CCDC170: variants seen among roughly 807,000 people sequenced by gnomAD.
CCDC170 encodes coiled-coil domain-containing protein 170.
A neutral mutation model predicts 72.6 loss-of-function variants in CCDC170; 69 were observed. The ratio of observed to expected loss-of-function variants is 0.95; its 90% CI spans 0.78 to 1.16. The LOEUF (loss-of-function observed/expected upper bound fraction) is 1.16, where lower values mean the gene tolerates loss of function less well. Among genes scored for constraint, CCDC170 ranks in the 50% most tolerant of loss-of-function variants. The pLI is 0.00. For synonymous variants in CCDC170, 300 were observed against 303.9 expected, an observed-to-expected ratio of 0.99 and a Z score of 0.13; for missense variants, 852 against 832.5, an observed-to-expected ratio of 1.02 and a Z score of -0.29.
At chr6:151,515,284 T>A in intron 1 of CCDC170, among the ~76,000 whole-genome samples, 1 of 152,170 alleles carries the variant, frequency 6.6e-6, no homozygotes. Flanking sequence ...CTCCATCAAT[T>A]TATTTACTTA....
At chr6:151,587,390 A>C (rs1461889221) in intron 7 of CCDC170, among the ~76,000 whole-genome samples, 1 of 152,096 alleles carries the variant, frequency 6.6e-6, no homozygotes, top group Admixed American at 6.6e-5. Context: ...GGCATGAGGC[A>C]GTGGCTGTGA....
chr6:151,533,256 A>T (rs377586751), intron 1 of CCDC170, among the ~76,000 whole-genome samples: 4 of 151,124 alleles, frequency 2.6e-5, no homozygotes, highest in South Asian at 2.1e-4. Flanking sequence ...GGGTTTCACC[A>T]TGTTAGCCAG....
At chr6:151,558,362 G>A (rs551753153) in intron 5 of CCDC170, among the ~76,000 whole-genome samples, 1 of 149,796 alleles carries the variant, frequency 6.7e-6, no homozygotes, top group Non-Finnish European at 1.5e-5. Context: ...TCTTCACCCT[G>A]TTGATTGTTC....
intron 5 of CCDC170, among the ~76,000 whole-genome samples, chr6:151,568,992 T>C (rs1355246889): frequency 6.6e-6 from 1 of 152,250 alleles, no homozygotes; most frequent in Non-Finnish European, 1.5e-5. Flanking sequence ...TTTTGTTATG[T>C]ATTTATGCCA....
intron 6 of CCDC170, among the ~76,000 whole-genome samples, chr6:151,576,711 A>G (rs1776308355): frequency 6.6e-6 from 1 of 152,018 alleles, no homozygotes; most frequent in African/African-American, 2.4e-5. Flanking sequence ...GTCTTGTGTG[A>G]CTCATCTTCA....
chr6:151,597,359 C>T (rs1316840751), intron 9 of CCDC170, among the ~76,000 whole-genome samples: 2 of 151,934 alleles, frequency 1.3e-5, no homozygotes, highest in Non-Finnish European at 2.9e-5. Flanking sequence ...AACTTCTGAC[C>T]TCAAGTGATC....
chr6:151,545,462 G>C (rs1008747251), intron 4 of CCDC170, among the ~76,000 whole-genome samples: 1 of 152,020 alleles, frequency 6.6e-6, no homozygotes, highest in African/African-American at 2.4e-5. Flanking sequence ...TTTAATGGTA[G>C]ATTACCATTA....
At chr6:151,589,334 T>C (rs967920757) in intron 7 of CCDC170, among the ~76,000 whole-genome samples, 11 of 152,088 alleles carry the variant, frequency 7.2e-5, no homozygotes, top group African/African-American at 2.7e-4. Context: ...AGTATGGTAA[T>C]GTAAATTGGA....
chr6:151,562,803 C>T (rs958811275), intron 5 of CCDC170, among the ~76,000 whole-genome samples: 4 of 151,648 alleles, frequency 2.6e-5, no homozygotes, highest in Admixed American at 6.6e-5. Context: ...TGCCTTGATG[C>T]GTTTTGGGGG....
chr6:151,514,371 G>C (rs1021282407), intron 1 of CCDC170, among the ~76,000 whole-genome samples: 6 of 122,962 alleles, frequency 4.9e-5, no homozygotes, highest in Admixed American at 2.5e-4. Context: ...GAGGGAGGGA[G>C]GGAGGAAGGA....
At chr6:151,596,641 G>C in intron 9 of CCDC170, 64 bp downstream of exon 9, 1 of 1,582,390 alleles carries the variant, frequency 6.3e-7, no homozygotes, top group Non-Finnish European at 8.6e-7. Flanking sequence ...TTATGCAAAA[G>C]AATGACAGCT....
chr6:151,598,585 A>G (rs9383932), intron 9 of CCDC170, among the ~76,000 whole-genome samples: 23,272 of 152,116 alleles, frequency 0.15, 1,955 homozygotes, highest in East Asian at 0.38. Context: ...CAAATTTCAC[A>G]AGTCAAATAA....
chr6:151,498,575 C>G (rs892699403), intron 1 of CCDC170, among the ~76,000 whole-genome samples: 1 of 152,218 alleles, frequency 6.6e-6, no homozygotes, highest in African/African-American at 2.4e-5. Flanking sequence ...TTCCTCCTCC[C>G]CACAGCTCCT....
chr6:151,566,798 T>TTGAA (rs1321192912), intron 5 of CCDC170, among the ~76,000 whole-genome samples: 3 of 152,220 alleles, frequency 2.0e-5, no homozygotes, highest in African/African-American at 7.2e-5. Flanking sequence ...CATACACACT[T>TTGAA]TGAATGAATA....
chr6:151,524,762 A>C (rs898736842), intron 1 of CCDC170, among the ~76,000 whole-genome samples: 5 of 152,104 alleles, frequency 3.3e-5, no homozygotes, highest in African/African-American at 1.2e-4. Context: ...ATTTCATTTC[A>C]ATGTGCCTAT....
intron 1 of CCDC170, among the ~76,000 whole-genome samples, chr6:151,531,679 G>A (rs964525808): frequency 2.0e-5 from 3 of 152,158 alleles, no homozygotes; most frequent in South Asian, 2.1e-4. Flanking sequence ...AAACATACCC[G>A]AGACTGGGTA....
At chr6:151,543,210 C>G (rs1782717810) in intron 3 of CCDC170, among the ~76,000 whole-genome samples, 1 of 152,130 alleles carries the variant, frequency 6.6e-6, no homozygotes. Context: ...ACTATTTCAA[C>G]AAACCTATCT....
chr6:151,542,865 G>A (rs751023418), intron 3 of CCDC170, among the ~76,000 whole-genome samples: 1 of 152,088 alleles, frequency 6.6e-6, no homozygotes, highest in Non-Finnish European at 1.5e-5. Flanking sequence ...CCTTTCCTGG[G>A]TCCAAAAGAC....
In CCDC170 at chr6:151,498,136, C is replaced by G. The variant is rs569431396; in HGVS notation, c.57+3951C>G. Among the ~76,000 whole-genome samples, 32 of 152,176 alleles carry G rather than the reference C, an allele frequency of 2.1e-4. No individual in the cohort carries two copies. In the South Asian group the frequency reaches 6.6e-3, roughly 32 times the overall value. On this transcript the variant is annotated intron_variant, in intron 1 of 10. Transcript: ENST00000239374. ...TTGCTGTGGCAGTGTTTTCACATAC[C>G]TGGAAAACCTAGATCAAAGTTACAG... is the stretch of plus-strand genomic sequence containing the variant.
Sources: gnomAD v4.1 joint callset for allele counts (sites outside exome capture counted in the v4.1 genomes callset) on GRCh38, gnomAD v4.1.1 for gene constraint, MANE v1.5 for transcripts, NCBI Gene and HGNC (gene_info 2026-07-23, HGNC 2026-07-21) for gene names.